Variants in GPHN observed in about 807,000 individuals in gnomAD.
GPHN encodes the protein gephyrin.
Under a neutral mutation model 95.5 loss-of-function variants are expected in GPHN, and 17 were observed. The ratio of observed to expected loss-of-function variants is 0.18; its 90% confidence interval spans 0.12 to 0.27. The LOEUF is 0.27. GPHN is among the 10% of genes least tolerant of loss of function. GPHN has a pLI of 1.00. For missense variants in GPHN, 660 were observed against 978.1 expected (o/e 0.67, Z 4.34); for synonymous variants, 320 against 322.5 (o/e 0.99, Z 0.08).
In GPHN at chr14:66,571,208, G is replaced by A. The variant is rs754535124; in HGVS notation, c.64+62617G>A. ...GACCTTCTTCACGTGGCAGGAGAGC[G>A]AAGAGAGGGTGAAGTGGGAAGAGCC... On this transcript the variant is annotated intron_variant, in intron 1 of 22. Transcript: ENST00000478722. Among the ~76,000 whole-genome samples, 23 of 152,120 alleles carry A rather than the reference G, an allele frequency of 1.5e-4. 1 individual carries two copies. The highest frequency in any genetic ancestry group is 8.5e-4 in the Admixed American group (13 of 15,282).
the GPHN span, chr14:67,200,273 TC>T: frequency 1.3e-6 from 1 of 766,288 alleles, no homozygotes; most frequent in Non-Finnish European, 2.1e-6. Flanking sequence ...CCAGGCCCAC[TC>T]CCCAGCCACC....
At chr14:67,224,879 A>G in the GPHN span, 7 of 369,658 alleles carry the variant, frequency 1.9e-5, no homozygotes, top group South Asian at 2.4e-4. Flanking sequence ...GCTTAATAAA[A>G]AAGGAGGGAG....
At chr14:66,964,616 T>G (rs2069184073) in intron 8 of GPHN, among the ~76,000 whole-genome samples, 1 of 152,190 alleles carries the variant, frequency 6.6e-6, no homozygotes, top group South Asian at 2.1e-4. Context: ...AGAAGGGCAG[T>G]CTGACATGAG....
chr14:66,709,500 A>G (rs1253271110), intron 2 of GPHN: 2 of 434,242 alleles, frequency 4.6e-6, no homozygotes, highest in Middle Eastern at 3.4e-4. Context: ...ATGTGAATTC[A>G]CTGGACAAAG....
chr14:67,329,370 A>G, the GPHN span, among the ~76,000 whole-genome samples: 5 of 152,110 alleles, frequency 3.3e-5, no homozygotes, highest in African/African-American at 1.2e-4. Context: ...GCTTAAGGAG[A>G]TTTTGGGCTG....
chr14:67,186,158 A>T (rs1950880369), downstream of GPHN, among the ~76,000 whole-genome samples: 2 of 152,222 alleles, frequency 1.3e-5, no homozygotes, highest in Non-Finnish European at 1.5e-5. Context: ...AAACTCCTAC[A>T]GTATGCCAGG....
At chr14:67,167,175 T>TC (rs1008194461) in intron 20 of GPHN, among the ~76,000 whole-genome samples, 9 of 152,114 alleles carry the variant, frequency 5.9e-5, no homozygotes, top group African/African-American at 2.2e-4. Context: ...TTAACCATAA[T>TC]CCCCCAACAC....
chr14:67,065,863 A>G (rs1354726189), intron 11 of GPHN, among the ~76,000 whole-genome samples: 4 of 151,350 alleles, frequency 2.6e-5, no homozygotes, highest in African/African-American at 7.3e-5. Flanking sequence ...TGAATACAGC[A>G]CATTGATGGG....
intron 3 of GPHN, among the ~76,000 whole-genome samples, chr14:66,822,864 A>G (rs889541700): frequency 3.9e-5 from 6 of 152,218 alleles, no homozygotes; most frequent in African/African-American, 1.4e-4. Flanking sequence ...ACTGTGGCAC[A>G]GGCATTTCAC....
chr14:66,632,775 G>A (rs1399053505), intron 1 of GPHN, among the ~76,000 whole-genome samples: 3 of 152,106 alleles, frequency 2.0e-5, no homozygotes, highest in Non-Finnish European at 4.4e-5. Flanking sequence ...ACAGGTGTGA[G>A]CCACCGCACC....
intron 11 of GPHN, among the ~76,000 whole-genome samples, chr14:67,071,893 T>C (rs2076327080): frequency 1.3e-5 from 2 of 151,994 alleles, no homozygotes; most frequent in Admixed American, 1.3e-4. Flanking sequence ...TAGAAAACAA[T>C]ACTTAATCCA....
At chr14:67,228,612 T>G in the GPHN span, 1 of 152,258 alleles carries the variant, frequency 6.6e-6, no homozygotes, top group African/African-American at 2.4e-5. Context: ...GGGTATCTAT[T>G]TTAAAGGAAG....
the GPHN span, chr14:67,690,947 T>C: frequency 1.7e-6 from 1 of 584,546 alleles, no homozygotes. Context: ...AAATCACAGA[T>C]TAAAAAGCGG....
intron 1 of GPHN, among the ~76,000 whole-genome samples, chr14:66,522,167 A>G (rs2058509536): frequency 6.6e-6 from 1 of 152,128 alleles, no homozygotes; most frequent in Non-Finnish European, 1.5e-5. Context: ...CCACTTTTTC[A>G]TACTCTATAT....
chr14:66,713,919 C>T (rs1350071926), intron 2 of GPHN, among the ~76,000 whole-genome samples: 1 of 152,126 alleles, frequency 6.6e-6, no homozygotes, highest in Non-Finnish European at 1.5e-5. Flanking sequence ...CAGGCATGTG[C>T]CACCACACCT....
At chr14:67,055,752 G>A (rs771202738) in intron 10 of GPHN, among the ~76,000 whole-genome samples, 4 of 152,176 alleles carry the variant, frequency 2.6e-5, no homozygotes, top group Non-Finnish European at 2.9e-5. Flanking sequence ...ATGAAGCCGC[G>A]GACCCTCGCA....
intron 9 of GPHN, among the ~76,000 whole-genome samples, chr14:66,973,601 T>A (rs1277157559): frequency 1.3e-5 from 2 of 151,990 alleles, no homozygotes; most frequent in Non-Finnish European, 2.9e-5. Flanking sequence ...CTACTAAAAA[T>A]ACAAAAATTT....
At chr14:67,080,790 C>A (rs535757600) in intron 11 of GPHN, among the ~76,000 whole-genome samples, 4 of 152,066 alleles carry the variant, frequency 2.6e-5, no homozygotes, top group African/African-American at 7.2e-5. Flanking sequence ...CCCCAAAGTC[C>A]GCTGTATCAT....
the GPHN span, chr14:67,323,724 C>T: frequency 6.3e-7 from 1 of 1,586,870 alleles, no homozygotes; most frequent in Non-Finnish European, 8.6e-7. Flanking sequence ...CTCCGGAATT[C>T]AGATTTGAAA....
Sources: gnomAD v4.1 joint callset for allele counts (sites outside exome capture counted in the v4.1 genomes callset) on GRCh38, gnomAD v4.1.1 for gene constraint, MANE v1.5 for transcripts, NCBI Gene and HGNC (gene_info 2026-07-23, HGNC 2026-07-21) for gene names.